Variants in SLC38A1 observed in about 807,000 individuals in gnomAD.
SLC38A1 encodes the protein sodium-coupled neutral amino acid symporter 1.
SLC38A1 carries 18 observed loss-of-function variants against 60.3 expected under a neutral mutation model. That is an observed-to-expected ratio of 0.30 (90% CI 0.21 to 0.44). The LOEUF (loss-of-function observed/expected upper bound fraction) is 0.44, where lower values mean the gene tolerates loss of function less well. Among genes scored for constraint, SLC38A1 ranks in the 20% least tolerant of loss-of-function variants. The pLI is 1.00. For missense variants in SLC38A1, 448 were observed against 587.2 expected (o/e 0.76, Z 2.45); for synonymous variants, 196 against 212.1 (o/e 0.92, Z 0.66).
In SLC38A1 at chr12:46,234,496, G is replaced by A. The variant is rs143664539; in HGVS notation, c.123-4857C>T. Among the ~76,000 whole-genome samples, 53 of 144,862 alleles carry A rather than the reference G, an allele frequency of 3.7e-4. No individual in the cohort carries two copies. In the East Asian group the frequency reaches 0.01, roughly 27 times the overall value. ...GGAGTCTCTGTCTTTCGCCCAGGCC[G>A]GACTGCAGTGGCGCTATCTCGGCTC... On this transcript the variant is annotated intron_variant, in intron 3 of 16. Transcript: ENST00000398637.
At chr12:46,230,307 CAGG>C (rs1941026161) in intron 3 of SLC38A1, among the ~76,000 whole-genome samples, 7 of 152,186 alleles carry the variant, frequency 4.6e-5, no homozygotes, top group Admixed American at 4.6e-4. Flanking sequence ...CAGGAGGCTA[CAGG>C]AGTTCAGACT....
rs961235752 is a variant in SLC38A1, at chr12:46,183,963, A to G, written c.*5007T>C. ...AGAGACTTCTATTTCAGTGCAGATC[A>G]ACAACTTCAAAAATATACAGCCTCC... On this transcript the variant is annotated 3_prime_UTR_variant, in exon 17 of 17. Transcript: ENST00000398637. The G allele has an allele frequency of 3.9e-5, 6 of 152,656 alleles. No individual in the cohort carries two copies. The highest frequency in any genetic ancestry group is 7.3e-5 in the Non-Finnish European group (5 of 68,030). 9.5% of individuals were successfully genotyped at this position (152,656 alleles called of 1,614,324 possible). A position where few individuals can be genotyped will look rare whatever the true frequency, so the allele number is the denominator to read the frequency against.
chr12:46,189,870 C>A (rs936782795), intron 16 of SLC38A1, among the ~76,000 whole-genome samples: 8 of 152,218 alleles, frequency 5.3e-5, no homozygotes, highest in African/African-American at 1.9e-4. Context: ...GATTGTGAGG[C>A]CTCCCCAGTC....
intron 1 of SLC38A1, among the ~76,000 whole-genome samples, chr12:46,247,627 G>C (rs550387668): frequency 6.6e-6 from 1 of 152,294 alleles, no homozygotes; most frequent in African/African-American, 2.4e-5. Flanking sequence ...TATTGTTCAG[G>C]AGAACTTCCA....
At chr12:46,217,185 A>G (rs1592100889) in intron 5 of SLC38A1, among the ~76,000 whole-genome samples, 2 of 152,138 alleles carry the variant, frequency 1.3e-5, no homozygotes, top group African/African-American at 4.8e-5. Context: ...TATTTTACAG[A>G]TAAGGTAAAT....
At chr12:46,251,426 T>C (rs1357883511) in intron 1 of SLC38A1, among the ~76,000 whole-genome samples, 1 of 152,200 alleles carries the variant, frequency 6.6e-6, no homozygotes, top group Non-Finnish European at 1.5e-5. Context: ...ATTCAGGACA[T>C]AGGCATGGGC....
At position 46,256,613 on chromosome 12, in the gene SLC38A1, G is replaced by GCACACA. The variant is rs566800141; in HGVS notation, c.-209+11907_-209+11912dup. On this transcript the variant is annotated intron_variant, in intron 1 of 16. Coordinates refer to ENST00000398637, the MANE Select transcript of SLC38A1 (RefSeq NM_030674.4). ...CCTCATCCAGTTTGCGCGCGCGCGC[G>GCACACA]CACACACACACACACACACACACAG... is the stretch of plus-strand genomic sequence containing the variant. Among the ~76,000 whole-genome samples the GCACACA allele has an allele frequency of 1.3e-4, 14 of 107,540 alleles. No individual in the cohort carries two copies. The East Asian group carries it at 1.7e-3, about 13-fold the overall frequency. The allele number at this position is 107,540 out of a possible 152,430, so 70.6% of individuals were successfully genotyped here. A position where few individuals can be genotyped will look rare whatever the true frequency, so the allele number is the denominator to read the frequency against.
intron 3 of SLC38A1, among the ~76,000 whole-genome samples, chr12:46,234,758 A>G (rs1459498598): frequency 6.6e-6 from 1 of 152,202 alleles, no homozygotes; most frequent in African/African-American, 2.4e-5. Context: ...AAAACTAACT[A>G]ACTTTTTGTA....
At chr12:46,210,206 G>A (rs1301812941) in intron 5 of SLC38A1, among the ~76,000 whole-genome samples, 1 of 152,132 alleles carries the variant, frequency 6.6e-6, no homozygotes, top group African/African-American at 2.4e-5. Flanking sequence ...TGCCTTCCCT[G>A]GCCCCAGGCA....
chr12:46,207,687 T>C (rs956138341), intron 6 of SLC38A1, 66 bp from the exon 7 acceptor site: 49 of 1,453,980 alleles, frequency 3.4e-5, no homozygotes, highest in Non-Finnish European at 4.5e-5. Context: ...ATAGTCAAGA[T>C]TTTGTCATTC....
At chr12:46,248,312 A>AT (rs1941697615) in intron 1 of SLC38A1, among the ~76,000 whole-genome samples, 1 of 152,252 alleles carries the variant, frequency 6.6e-6, no homozygotes, top group East Asian at 1.9e-4. Flanking sequence ...AAAGACACAC[A>AT]TAAGCTCAAA....
At chr12:46,233,586 A>G (rs1401439585) in intron 3 of SLC38A1, among the ~76,000 whole-genome samples, 1 of 152,244 alleles carries the variant, frequency 6.6e-6, no homozygotes, top group Non-Finnish European at 1.5e-5. Flanking sequence ...AGGCACTGTG[A>G]CATGAGGGGG....
intron 3 of SLC38A1, among the ~76,000 whole-genome samples, chr12:46,235,628 G>T (rs775442023): frequency 6.6e-6 from 1 of 152,164 alleles, no homozygotes; most frequent in Non-Finnish European, 1.5e-5. Context: ...AGAAGTTATG[G>T]AATCTTCTTC....
intron 12 of SLC38A1, 60 bp from the exon 13 acceptor site, chr12:46,201,258 T>A: frequency 2.2e-6 from 3 of 1,352,274 alleles, no homozygotes; most frequent in Non-Finnish European, 3.1e-6. Flanking sequence ...GCACCAGTGT[T>A]AACATTGAAG....
At position 46,268,192 on chromosome 12, in the gene SLC38A1, C is replaced by T. The variant is rs1942424329; in HGVS notation, c.-209+334G>A. Among the ~76,000 whole-genome samples the T allele has an allele frequency of 1.3e-5, 2 of 152,146 alleles. No homozygotes were observed. The highest frequency in any genetic ancestry group is 4.8e-5 in the African/African-American group (2 of 41,418). ...CCAGACGTGCGTGGTTCCTGGCTCT[C>T]GTAAAAATGGAACCAGATCTGGTAC... On this transcript the variant is annotated intron_variant, in intron 1 of 16. Transcript: ENST00000398637. The surrounding 1 kb of genome is among the most constrained non-coding windows in gnomAD (Gnocchi z 4.4).
At chr12:46,214,789 C>T (rs1299651098) in intron 5 of SLC38A1, among the ~76,000 whole-genome samples, 1 of 152,174 alleles carries the variant, frequency 6.6e-6, no homozygotes, top group South Asian at 2.1e-4. Context: ...TGACATCCTC[C>T]CAACACAGCA....
Position 46,220,962 on chromosome 12 carries a change from A to C in SLC38A1, c.314+8191T>G, listed in dbSNP as rs1030790174. On this transcript the variant is annotated intron_variant, in intron 5 of 16. Coordinates refer to ENST00000398637, the MANE Select transcript of SLC38A1 (RefSeq NM_030674.4). ...AACGTGCTGATGGGTCTATACTTTT[A>C]CTTCTATTTCTATTTACTCCTTATG... Among the ~76,000 whole-genome samples the C allele has an allele frequency of 3.9e-5, 6 of 152,174 alleles. No homozygotes were observed. In the East Asian group the frequency reaches 1.2e-3, roughly 29 times the overall value.
chr12:46,197,809 A>T lies in SLC38A1; in HGVS notation c.1273T>A (p.Ser425Thr). 1 of 1,600,620 alleles carries T rather than the reference A, an allele frequency of 6.2e-7. No homozygotes were observed. Among genetic ancestry groups the T allele is most frequent in the Non-Finnish European group, 8.5e-7 (1 of 1,175,058 alleles). The change falls in exon 16 of 17, where the codon TCT (serine) becomes ACT (threonine). Residue 425 changes from serine (S) to threonine (T), a missense_variant. Around this residue, in one of 2 missense-constraint regions of SLC38A1, gnomAD observed 346 missense variants for 497.5 expected, o/e 0.70. Coordinates refer to ENST00000398637, the MANE Select transcript of SLC38A1 (RefSeq NM_030674.4). Reference sequence around the variant, plus strand: ...AGAATGAAAATAAGCATGTTAGCAGATGTAACTCCTGTAAAATAAGACAAA... The same window carrying T: ...AGAATGAAAATAAGCATGTTAGCAGTTGTAACTCCTGTAAAATAAGACAAA... The part of the protein sequence containing the change: ...KDIFGVVGVT[S>T]ANMLIFILPS...
At chr12:46,207,019 AT>A (rs1939937196) in intron 8 of SLC38A1, 135 bp downstream of exon 8, 1 of 621,866 alleles carries the variant, frequency 1.6e-6, no homozygotes, top group Non-Finnish European at 2.8e-6. Flanking sequence ...AAAGAAATTT[AT>A]TGTTGAAACA....
Sources: allele counts gnomAD v4.1 joint callset (sites outside exome capture counted in the v4.1 genomes callset), GRCh38; gene constraint gnomAD v4.1.1; regional missense constraint gnomAD v4.1.1; non-coding constraint Gnocchi (gnomAD v3.1); transcripts MANE v1.5; gene names NCBI Gene and HGNC (gene_info 2026-07-23, HGNC 2026-07-21).